AGBL3: variants seen among roughly 807,000 people sequenced by gnomAD.
AGBL3 encodes the protein AGBL carboxypeptidase 3, also known as cytosolic carboxypeptidase 3.
AGBL3 carries 68 observed loss-of-function variants against 94.5 expected under a neutral mutation model. That is an observed-to-expected ratio of 0.72 (90% confidence interval 0.59 to 0.88). The LOEUF is 0.88. AGBL3 is among the 40% of genes least tolerant of loss of function. The pLI is 0.00. For synonymous variants in AGBL3, 354 were observed against 370.7 expected (o/e 0.95, Z 0.52); for missense variants, 934 against 1,103.8 (o/e 0.85, Z 2.18).
intron 11 of AGBL3, among the ~76,000 whole-genome samples, chr7:135,052,403 T>A (rs1040474584): frequency 2.0e-5 from 3 of 152,190 alleles, no homozygotes; most frequent in African/African-American, 7.2e-5. Context: ...CATTTGAAAA[T>A]CGCCTACTTT....
At chr7:135,045,419 C>A in intron 9 of AGBL3, 55 bp from the exon 10 acceptor site, 2 of 1,395,548 alleles carry the variant, frequency 1.4e-6, no homozygotes, top group South Asian at 2.5e-5. Context: ...AATGTACCTG[C>A]TAAGAAAAAT....
chr7:135,017,352 T>A (rs749052000), intron 5 of AGBL3, 193 bp downstream of exon 5: 32 of 555,648 alleles, frequency 5.8e-5, no homozygotes, highest in Non-Finnish European at 9.0e-5. Flanking sequence ...TTGCAGTTTA[T>A]GCAAAGTTAC....
intron 8 of AGBL3, among the ~76,000 whole-genome samples, chr7:135,039,688 TCGTACCACTGTAC>T (rs1816661248): frequency 6.6e-6 from 1 of 151,946 alleles, no homozygotes; most frequent in Non-Finnish European, 1.5e-5. Flanking sequence ...GGAGCCAAGG[TCGTACCACTGTAC>T]TCCAGCCTGG....
chr7:135,002,742 T>A (rs1811882433), intron 4 of AGBL3, among the ~76,000 whole-genome samples: 1 of 152,032 alleles, frequency 6.6e-6, no homozygotes, highest in Non-Finnish European at 1.5e-5. Flanking sequence ...TTTCCCATAC[T>A]CTCATCAATA....
chr7:135,061,763 C>T (rs1818855581), intron 12 of AGBL3, among the ~76,000 whole-genome samples: 1 of 152,060 alleles, frequency 6.6e-6, no homozygotes. Context: ...TAAGCCAGTA[C>T]CATACCATTT....
At chr7:135,131,313 C>T (rs972196121) in intron 16 of AGBL3, among the ~76,000 whole-genome samples, 3 of 151,694 alleles carry the variant, frequency 2.0e-5, no homozygotes, top group African/African-American at 4.8e-5. Context: ...GGGCCTGTTG[C>T]GGGGTGAGGG....
chr7:135,128,548 G>T lies in AGBL3; in HGVS notation c.2343-6293G>T, dbSNP rs1828277543. The T allele has an allele frequency of 1.6e-5, 12 of 767,496 alleles. 1 individual carries two copies. In the South Asian group the frequency reaches 1.6e-4, roughly 10 times the overall value. 47.5% of individuals were successfully genotyped at this position (767,496 alleles called of 1,614,324 possible). A position where few individuals can be genotyped will look rare whatever the true frequency, so the allele number is the denominator to read the frequency against. On this transcript the variant is annotated intron_variant, in intron 16 of 16. Coordinates refer to ENST00000436302, the MANE Select transcript of AGBL3 (RefSeq NM_178563.4). The stretch of plus-strand genomic sequence containing the variant: ...AGTCTGTCCAAGGTGGAGAAACCAG[G>T]ATCTATTTGGATTTGCCATAGAATT...
chr7:135,067,629 G>C (rs1819471085), intron 12 of AGBL3, among the ~76,000 whole-genome samples: 1 of 152,184 alleles, frequency 6.6e-6, no homozygotes, highest in South Asian at 2.1e-4. Flanking sequence ...AGGCAAACAG[G>C]GTCTGGAGTG....
rs149291955 is a variant in AGBL3 at position 135,119,043 on chromosome 7, T to A, written c.2342+3432T>A. Among the ~76,000 whole-genome samples, 191 of 152,216 alleles carry A rather than the reference T, an allele frequency of 1.3e-3. 3 individuals are homozygous for A. Among genetic ancestry groups the A allele is most frequent in the African/African-American group, 4.6e-3 (189 of 41,532 alleles). ...ACCTGTAGGACTATAAGACAAAATC[T>A]AATAATATTCACATATCGTAGTTTC... On this transcript the variant is annotated intron_variant, in intron 16 of 16. Coordinates refer to ENST00000436302, the MANE Select transcript of AGBL3 (RefSeq NM_178563.4).
chr7:135,114,039 C>T (rs1447287233), intron 15 of AGBL3, among the ~76,000 whole-genome samples: 1 of 152,094 alleles, frequency 6.6e-6, no homozygotes, highest in Non-Finnish European at 1.5e-5. Flanking sequence ...TATTTCCTTC[C>T]TTTTTAAGAC....
chr7:135,079,340 TAC>T (rs1820727108), intron 13 of AGBL3, among the ~76,000 whole-genome samples: 2 of 152,224 alleles, frequency 1.3e-5, no homozygotes, highest in African/African-American at 4.8e-5. Flanking sequence ...TTTTGATTTT[TAC>T]AGTTTTCTCC....
intron 4 of AGBL3, among the ~76,000 whole-genome samples, chr7:135,008,220 A>C (rs4272315): frequency 0.93 from 141,547 of 152,098 alleles, 66,651 homozygotes; most frequent in Non-Finnish European, 1. Flanking sequence ...AGAGCTCACA[A>C]TTTCTGATTT....
At chr7:135,127,712 T>C (rs1828087666) in intron 16 of AGBL3, among the ~76,000 whole-genome samples, 1 of 152,156 alleles carries the variant, frequency 6.6e-6, no homozygotes. Context: ...TAAGAATGCT[T>C]TTACTCTGCT....
At position 135,070,476 on chromosome 7, in the gene AGBL3, A is replaced by G. The variant is rs1275784085; in HGVS notation, c.1909-5921A>G. 7.2e-5 allele frequency among the ~76,000 whole-genome samples: 11 copies of G among 152,370 alleles called. No homozygotes were observed. The East Asian group carries it at 2.1e-3, about 29-fold the overall frequency. Reference sequence around the variant, plus strand: ...ATGAACATTGATACAAAAATCCTCAATAAAATACTGGCAAACCGAATCCAA... The same window carrying G: ...ATGAACATTGATACAAAAATCCTCAGTAAAATACTGGCAAACCGAATCCAA... On this transcript the variant is annotated intron_variant, in intron 12 of 16. Transcript: ENST00000436302.
chr7:135,067,048 C>T (rs902025833), intron 12 of AGBL3, among the ~76,000 whole-genome samples: 6 of 152,220 alleles, frequency 3.9e-5, no homozygotes, highest in African/African-American at 1.2e-4. Context: ...TAATACTGCG[C>T]TCTTCCAACG....
intron 15 of AGBL3, among the ~76,000 whole-genome samples, chr7:135,082,697 T>G (rs1821020054): frequency 6.6e-6 from 1 of 152,148 alleles, no homozygotes; most frequent in African/African-American, 2.4e-5. Flanking sequence ...CTTCTTCACT[T>G]ATTATTTGGT....
intron 5 of AGBL3, among the ~76,000 whole-genome samples, chr7:135,030,613 G>C (rs951823582): frequency 3.3e-5 from 5 of 151,972 alleles, no homozygotes; most frequent in African/African-American, 1.2e-4. Context: ...GGTTAGTAGG[G>C]GTTTTGCACC....
At chr7:135,002,975 A>G (rs1811914201) in intron 4 of AGBL3, among the ~76,000 whole-genome samples, 1 of 152,062 alleles carries the variant, frequency 6.6e-6, no homozygotes, top group Non-Finnish European at 1.5e-5. Flanking sequence ...ACTGTGTCTT[A>G]TATGTTACAT....
At chr7:135,014,207 A>G (rs1297447196) in intron 4 of AGBL3, among the ~76,000 whole-genome samples, 2 of 51,482 alleles carry the variant, frequency 3.9e-5, no homozygotes, top group East Asian at 3.0e-4. Context: ...GAAAAAAAAA[A>G]AAAAAAAAAA....
Sources: gnomAD v4.1 joint callset for allele counts (sites outside exome capture counted in the v4.1 genomes callset) on GRCh38, gnomAD v4.1.1 for gene constraint, MANE v1.5 for transcripts, NCBI Gene and HGNC (gene_info 2026-07-23, HGNC 2026-07-21) for gene names.